Variants in SLC25A26 observed in about 807,000 individuals in gnomAD.
The protein encoded by SLC25A26 is mitochondrial S-adenosylmethionine carrier protein.
Under a neutral mutation model 37.8 loss-of-function variants are expected in SLC25A26, and 36 were observed. The ratio of observed to expected loss-of-function variants is 0.95; its 90% confidence interval spans 0.73 to 1.26. SLC25A26 has a LOEUF of 1.26. Ranked by LOEUF, SLC25A26 falls within the 50% of genes most tolerant of loss-of-function variation. The pLI is 0.00. For synonymous variants in SLC25A26, 129 were observed against 122.5 expected, an observed-to-expected ratio of 1.05 and a Z score of -0.35; for missense variants, 390 against 331.1, an observed-to-expected ratio of 1.18 and a Z score of -1.38.
intron 5 of SLC25A26, among the ~76,000 whole-genome samples, chr3:66,266,845 T>A (rs1309826108): frequency 1.3e-5 from 2 of 152,184 alleles, no homozygotes; most frequent in Non-Finnish European, 2.9e-5. Context: ...CCAGGATGAT[T>A]TGAGATGCTA....
intron 1 of SLC25A26, among the ~76,000 whole-genome samples, chr3:66,159,234 T>C (rs892559175): frequency 2.0e-5 from 3 of 152,222 alleles, no homozygotes; most frequent in African/African-American, 7.2e-5. Flanking sequence ...TTGAAGGCCC[T>C]GTGCAAACCA....
chr3:66,367,539 C>T (rs2107828122), intron 7 of SLC25A26, among the ~76,000 whole-genome samples: 1 of 152,292 alleles, frequency 6.6e-6, no homozygotes, highest in East Asian at 1.9e-4. Flanking sequence ...AGGGTTCTTT[C>T]AGGCTAGACC....
At chr3:66,156,345 C>G (rs2070282692) in intron 1 of SLC25A26, among the ~76,000 whole-genome samples, 1 of 152,152 alleles carries the variant, frequency 6.6e-6, no homozygotes. Context: ...ACAATGCAAA[C>G]AAGTCAACAT....
chr3:66,173,632 T>G (rs762553439), intron 1 of SLC25A26, among the ~76,000 whole-genome samples: 1 of 152,238 alleles, frequency 6.6e-6, no homozygotes, highest in Non-Finnish European at 1.5e-5. Flanking sequence ...TTGATCCAAA[T>G]AAAGACCAAT....
Position 66,214,068 on chromosome 3 carries a change from C to G in SLC25A26, c.-353-6674C>G, listed in dbSNP as rs1202947970. On this transcript the variant is annotated intron_variant, in intron 1 of 10. Transcript: ENST00000676754. ...GATATGGTCTGGATGTTTGTCCCTT[C>G]CCAATCTCATGTTGAAATGTGATTC... Among the ~76,000 whole-genome samples, 8 of 152,286 alleles carry G rather than the reference C, an allele frequency of 5.3e-5. 1 individual carries two copies. Among genetic ancestry groups the G allele is most frequent in the African/African-American group, 1.7e-4 (7 of 41,568 alleles).
At chr3:66,175,609 G>A (rs2070573882) in intron 1 of SLC25A26, among the ~76,000 whole-genome samples, 1 of 152,220 alleles carries the variant, frequency 6.6e-6, no homozygotes, top group Non-Finnish European at 1.5e-5. Flanking sequence ...GCAAGCTGGA[G>A]AATTAGGAAA....
intron 1 of SLC25A26, among the ~76,000 whole-genome samples, chr3:66,161,356 T>G (rs878865846): frequency 6.6e-6 from 1 of 152,178 alleles, no homozygotes; most frequent in Non-Finnish European, 1.5e-5. Context: ...TGCTACCTTA[T>G]GTAAAGAATC....
At chr3:66,305,287 T>C (rs1248842795) in intron 5 of SLC25A26, among the ~76,000 whole-genome samples, 1 of 152,202 alleles carries the variant, frequency 6.6e-6, no homozygotes, top group African/African-American at 2.4e-5. Context: ...ACATGTCTTT[T>C]ATCTCAAATG....
intron 6 of SLC25A26, 49 bp from the exon 7 acceptor site, chr3:66,362,811 T>G: frequency 1.4e-6 from 2 of 1,380,556 alleles, no homozygotes; most frequent in East Asian, 5.1e-5. Context: ...GAGGTTCCGA[T>G]AAATTCAAAT....
At chr3:66,312,826 G>C (rs1473709101) in intron 5 of SLC25A26, among the ~76,000 whole-genome samples, 6 of 152,142 alleles carry the variant, frequency 3.9e-5, no homozygotes, top group Non-Finnish European at 8.8e-5. Flanking sequence ...ACTGTGGGCT[G>C]CACCCACTGT....
chr3:66,259,074 C>T (rs1037421483), intron 3 of SLC25A26, among the ~76,000 whole-genome samples: 1 of 152,060 alleles, frequency 6.6e-6, no homozygotes, highest in African/African-American at 2.4e-5. Context: ...TGATTGTGGT[C>T]CTCCTGCCAG....
intron 5 of SLC25A26, among the ~76,000 whole-genome samples, chr3:66,284,811 A>G (rs1374009058): frequency 6.6e-6 from 1 of 152,206 alleles, no homozygotes; most frequent in African/African-American, 2.4e-5. Context: ...TATCAAGAAA[A>G]CACGGCGAAA....
chr3:66,182,292 C>T (rs972592152), intron 1 of SLC25A26, among the ~76,000 whole-genome samples: 3 of 152,090 alleles, frequency 2.0e-5, no homozygotes, highest in Non-Finnish European at 4.4e-5. Flanking sequence ...TTTCATATTG[C>T]AATTTGTTAT....
intron 5 of SLC25A26, among the ~76,000 whole-genome samples, chr3:66,290,017 T>C (rs531299062): frequency 6.6e-6 from 1 of 152,332 alleles, no homozygotes; most frequent in East Asian, 1.9e-4. Context: ...GTAGTTCTCC[T>C]TGAAGAGGTC....
chr3:66,345,219 C>T (rs375618523), intron 5 of SLC25A26, among the ~76,000 whole-genome samples: 1 of 152,130 alleles, frequency 6.6e-6, no homozygotes, highest in Non-Finnish European at 1.5e-5. Context: ...AGACCCACGT[C>T]CCCCTGTGTT....
intron 1 of SLC25A26, among the ~76,000 whole-genome samples, chr3:66,145,300 G>T (rs2070099234): frequency 6.6e-6 from 1 of 152,142 alleles, no homozygotes; most frequent in Non-Finnish European, 1.5e-5. Context: ...TCGTTCTGGT[G>T]GATAAACACT....
chr3:66,273,591 C>G (rs2074030565), intron 5 of SLC25A26, among the ~76,000 whole-genome samples: 1 of 152,266 alleles, frequency 6.6e-6, no homozygotes, highest in Admixed American at 6.5e-5. Context: ...AAATCACAAG[C>G]ATTCTTATAC....
At chr3:66,148,993 C>T (rs2070159759) in intron 1 of SLC25A26, among the ~76,000 whole-genome samples, 1 of 152,110 alleles carries the variant, frequency 6.6e-6, no homozygotes, top group Non-Finnish European at 1.5e-5. Flanking sequence ...ATCCTTTATT[C>T]CTTCTGGGGA....
At chr3:66,153,771 GCTT>G (rs1427046163) in intron 1 of SLC25A26, among the ~76,000 whole-genome samples, 75 of 152,284 alleles carry the variant, frequency 4.9e-4, no homozygotes, top group African/African-American at 1.8e-3. Flanking sequence ...TCCTTGCTGG[GCTT>G]GGTCTTGTAA....
Sources: gnomAD v4.1 joint callset for allele counts (sites outside exome capture counted in the v4.1 genomes callset) on GRCh38, gnomAD v4.1.1 for gene constraint, MANE v1.5 for transcripts, NCBI Gene and HGNC (gene_info 2026-07-23, HGNC 2026-07-21) for gene names.